Variants in BRWD1 observed in about 807,000 individuals in gnomAD.
BRWD1 encodes bromodomain and WD repeat-containing protein 1.
Under a neutral mutation model 251.2 loss-of-function variants are expected in BRWD1, and 82 were observed. The observed-to-expected ratio is 0.33, with a 90% CI of 0.27 to 0.39. The LOEUF (loss-of-function observed/expected upper bound fraction) is 0.39, where lower values mean the gene tolerates loss of function less well. Ranked by LOEUF, BRWD1 falls within the 10% of genes least tolerant of loss-of-function variation. The pLI is 1.00. For missense variants in BRWD1, 2,233 were observed against 2,711.6 expected, an observed-to-expected ratio of 0.82 and a Z score of 3.92; for synonymous variants, 918 against 902.8, an observed-to-expected ratio of 1.02 and a Z score of -0.30.
chr21:39,204,930 C>T (rs1242371848), intron 37 of BRWD1, among the ~76,000 whole-genome samples: 1 of 152,174 alleles, frequency 6.6e-6, no homozygotes, highest in Non-Finnish European at 1.5e-5. Flanking sequence ...GCCCAGTCTA[C>T]ACAGGGAGCA....
chr21:39,313,755 A>T (rs1436020196), upstream of BRWD1: 2 of 383,132 alleles, frequency 5.2e-6, no homozygotes, highest in East Asian at 5.4e-5. Flanking sequence ...CGGGGAGGCG[A>T]ACCTCGCTCA....
rs2031670794 is a variant in BRWD1, at chr21:39,193,725, A to G, written c.*2534T>C. 1.0e-6 allele frequency: 1 copy of G among 985,562 alleles called. No homozygotes were observed. The highest frequency in any genetic ancestry group is 4.7e-5 in the South Asian group (1 of 21,290). 61.1% of individuals were successfully genotyped at this position (985,562 alleles called of 1,614,324 possible). On this transcript the variant is annotated 3_prime_UTR_variant, in exon 41 of 41. Coordinates refer to ENST00000342449, the MANE Select transcript of BRWD1 (RefSeq NM_033656.4). ...CCTTTATCTTTTTCTCAAGAATACT[A>G]CAAACTGACCCTAAACATTAAAGTA... is the stretch of plus-strand genomic sequence containing the variant.
rs1400469008 is a variant in BRWD1 at position 39,195,063 on chromosome 21, A to G, written c.*1196T>C. The G allele has an allele frequency of 7.8e-7, 1 of 1,277,384 alleles. No homozygotes were observed. The highest frequency in any genetic ancestry group is 3.4e-5 in the East Asian group (1 of 29,566). 79.1% of individuals were successfully genotyped at this position (1,277,384 alleles called of 1,614,324 possible). On this transcript the variant is annotated 3_prime_UTR_variant, in exon 41 of 41. Transcript: ENST00000342449. Reference sequence around the variant, plus strand: ...AAAATAAGTGTACTATTTGTGTGATAAACTTTCACTTTAAATGGATTATAA... The same window carrying G: ...AAAATAAGTGTACTATTTGTGTGATGAACTTTCACTTTAAATGGATTATAA...
At chr21:39,298,663 T>C (rs2036023267) in intron 4 of BRWD1, 81 bp from the exon 5 acceptor site, 3 of 1,176,258 alleles carry the variant, frequency 2.6e-6, no homozygotes, top group Admixed American at 2.9e-5. Context: ...TCTGGCAAAA[T>C]GTGAAAAACA....
intron 17 of BRWD1, among the ~76,000 whole-genome samples, chr21:39,262,889 ATTATT>A (rs1178850491): frequency 6.6e-6 from 1 of 152,030 alleles, no homozygotes; most frequent in African/African-American, 2.4e-5. Context: ...GTAGTTACTT[ATTATT>A]TAACATCTGT....
chr21:39,294,612 G>A (rs967591257), intron 7 of BRWD1, among the ~76,000 whole-genome samples: 11 of 146,402 alleles, frequency 7.5e-5, no homozygotes, highest in Non-Finnish European at 1.3e-4. Context: ...CGGAGATTGC[G>A]CCACTGCACT....
intron 4 of BRWD1, among the ~76,000 whole-genome samples, chr21:39,310,545 T>C (rs2036446135): frequency 6.6e-6 from 1 of 152,098 alleles, no homozygotes; most frequent in Non-Finnish European, 1.5e-5. Flanking sequence ...GAGGATCACT[T>C]GAACCCAGGA....
intron 8 of BRWD1, among the ~76,000 whole-genome samples, chr21:39,281,245 C>G (rs1159168360): frequency 6.6e-6 from 1 of 152,016 alleles, no homozygotes; most frequent in Non-Finnish European, 1.5e-5. Context: ...TGTCTTACAG[C>G]AATATACAGT....
chr21:39,229,857 C>A (rs2033539295), intron 25 of BRWD1, among the ~76,000 whole-genome samples: 1 of 152,164 alleles, frequency 6.6e-6, no homozygotes, highest in Non-Finnish European at 1.5e-5. Flanking sequence ...CATCAGCTTC[C>A]CGAGTACCTG....
At chr21:39,267,982 T>C (rs2034977893) in intron 15 of BRWD1, among the ~76,000 whole-genome samples, 1 of 151,964 alleles carries the variant, frequency 6.6e-6, no homozygotes, top group Non-Finnish European at 1.5e-5. Flanking sequence ...AACCTGCACA[T>C]CCTGCACACA....
At chr21:39,199,835 C>A (rs2032018968) in intron 39 of BRWD1, among the ~76,000 whole-genome samples, 173 bp from the exon 40 acceptor site, 1 of 152,232 alleles carries the variant, frequency 6.6e-6, no homozygotes, top group African/African-American at 2.4e-5. Flanking sequence ...ACTGCAACCT[C>A]TGCCTCCTGG....
rs56990201 is a variant in BRWD1, at chr21:39,304,141, CAAAAAAAAAAA to C, written c.199-5570_199-5560del. On this transcript the variant is annotated intron_variant, in intron 4 of 40. Coordinates refer to ENST00000342449, the MANE Select transcript of BRWD1 (RefSeq NM_033656.4). ...GGGCAACCAGAGTGAAACTCTTTCT[CAAAAAAAAAAA>C]AAAAAAAAAAGAGAAATACAGAATA... Among the ~76,000 whole-genome samples, 4 of 118,390 alleles carry C rather than the reference CAAAAAAAAAAA, an allele frequency of 3.4e-5. No individual in the cohort carries two copies. In the South Asian group the frequency reaches 1.1e-3, roughly 32 times the overall value. The allele number at this position is 118,390 out of a possible 152,430, so 77.7% of individuals were successfully genotyped here.
In BRWD1 at chr21:39,188,255, A is replaced by T. The variant is rs2031357075; in HGVS notation, c.*8004T>A. On this transcript the variant is annotated 3_prime_UTR_variant, in exon 41 of 41. Transcript: ENST00000342449. The stretch of plus-strand genomic sequence containing the variant: ...CTTTCTTGCAGCCATGAACAGTCAA[A>T]CTATCTAAAACTGCCTTCATGGTAC... 1.1e-5 allele frequency: 11 copies of T among 985,352 alleles called. No individual in the cohort carries two copies. The highest frequency in any genetic ancestry group is 1.2e-5 in the Non-Finnish European group (10 of 829,898). The allele number at this position is 985,352 out of a possible 1,614,324, so 61.0% of individuals were successfully genotyped here.
At chr21:39,291,078 C>T (rs2035793568) in intron 8 of BRWD1, among the ~76,000 whole-genome samples, 1 of 152,232 alleles carries the variant, frequency 6.6e-6, no homozygotes, top group Admixed American at 6.5e-5. Context: ...TGAGCCATGA[C>T]TGCACCACAG....
intron 38 of BRWD1, among the ~76,000 whole-genome samples, chr21:39,201,311 C>T (rs1312642089): frequency 1.3e-5 from 2 of 152,172 alleles, no homozygotes; most frequent in African/African-American, 4.8e-5. Context: ...CATCCATCAC[C>T]TTGACTCCCT....
intron 15 of BRWD1, among the ~76,000 whole-genome samples, chr21:39,269,332 A>G (rs1040713160): frequency 2.0e-5 from 3 of 151,366 alleles, no homozygotes; most frequent in Admixed American, 2.0e-4. Flanking sequence ...TATTTCAACC[A>G]TCTTGGGATT....
At chr21:39,254,435 T>A (rs2034497656) in intron 19 of BRWD1, among the ~76,000 whole-genome samples, 1 of 152,130 alleles carries the variant, frequency 6.6e-6, no homozygotes, top group Admixed American at 6.5e-5. Flanking sequence ...GAAAAGAGGC[T>A]CCTCATGGCT....
chr21:39,280,328 C>T, intron 8 of BRWD1, 80 bp from the exon 9 acceptor site: 1 of 1,073,638 alleles, frequency 9.3e-7, no homozygotes. Context: ...AACTTAACTT[C>T]AATTGACAGT....
At chr21:39,312,220 T>C (rs1213023917) in intron 4 of BRWD1, among the ~76,000 whole-genome samples, 2 of 152,226 alleles carry the variant, frequency 1.3e-5, no homozygotes, top group African/African-American at 4.8e-5. Context: ...AGCACTTTAT[T>C]GTGTTATCTA....
Sources: gnomAD v4.1 joint callset for allele counts (sites outside exome capture counted in the v4.1 genomes callset) on GRCh38, gnomAD v4.1.1 for gene constraint, MANE v1.5 for transcripts, NCBI Gene and HGNC (gene_info 2026-07-23, HGNC 2026-07-21) for gene names.